Variants in TMEM63B observed in about 807,000 individuals in gnomAD.
TMEM63B encodes mechanosensitive cation channel TMEM63B.
In TMEM63B, 23 loss-of-function variants were observed where a neutral mutation model predicts 102.6. The observed-to-expected ratio is 0.22, with a 90% CI of 0.16 to 0.32. The LOEUF is 0.32. Among genes scored for constraint, TMEM63B ranks in the 10% least tolerant of loss-of-function variants. The pLI is 1.00. For synonymous variants in TMEM63B, 444 were observed against 437.0 expected (o/e 1.02, Z -0.20); for missense variants, 628 against 1,095.9 (o/e 0.57, Z 6.03).
chr6:44,146,950 G>A, intron 11 of TMEM63B, 23 bp downstream of exon 11: 4 of 1,612,822 alleles, frequency 2.5e-6, no homozygotes, highest in Non-Finnish European at 3.4e-6. Flanking sequence ...GGGCAGAGGA[G>A]GGTGACACCA....
chr6:44,154,303 TG>T, intron 22 of TMEM63B, 61 bp from the exon 23 acceptor site: 3 of 1,606,314 alleles, frequency 1.9e-6, no homozygotes, highest in Non-Finnish European at 2.6e-6. Flanking sequence ...CAAGCGGGCG[TG>T]GGGTCATGAT....
chr6:44,147,380 G>A lies in TMEM63B; in HGVS notation c.867G>A (p.Lys289=). The A allele has an allele frequency of 1.9e-6, 3 of 1,614,182 alleles. No homozygotes were observed. The highest frequency in any genetic ancestry group is 2.5e-6 in the Non-Finnish European group (3 of 1,180,028). ...ARLMFLDAER[K]KAERGKLYFT... is the part of the protein sequence containing the mutation. ...ACCAGGCATCTGGGTCCCACAGGAA[G>A]AAGGCCGAGCGGGGAAAGCTGTACT... Residue 289 remains lysine, a synonymous_variant, in exon 12 of 24, where the codon AAG becomes AAA. Coordinates refer to ENST00000323267, the MANE Select transcript of TMEM63B (RefSeq NM_018426.3).
rs997902831 is a variant in TMEM63B at position 44,155,258 on chromosome 6, T to TC, written c.*383dup. ...GGGGGGCAGGTGGATCTGGGGCTGT[T>TC]CCCCCCCCTCCGTTTTTTCCACCCC... is the stretch of plus-strand genomic sequence containing the variant. On this transcript the variant is annotated 3_prime_UTR_variant, in exon 24 of 24. Coordinates refer to ENST00000323267, the MANE Select transcript of TMEM63B (RefSeq NM_018426.3). 117 of 154,050 alleles carry TC rather than the reference T, an allele frequency of 7.6e-4. 1 individual carries two copies. Among genetic ancestry groups the TC allele is most frequent in the Non-Finnish European group, 8.1e-4 (57 of 70,222 alleles). 9.5% of individuals were successfully genotyped at this position (154,050 alleles called of 1,614,324 possible).
Position 44,148,119 on chromosome 6 carries a change from T to C in TMEM63B, c.988-133T>C. ...GCCTGGGCATCAGAGCGAGACGCTGTTTCCAAAAAAAAAAAAATGCTTAGA... is the reference window on the plus strand; with the variant it reads ...GCCTGGGCATCAGAGCGAGACGCTGCTTCCAAAAAAAAAAAAATGCTTAGA... On this transcript the variant is annotated intron_variant, in intron 12 of 23. Coordinates refer to ENST00000323267, the MANE Select transcript of TMEM63B (RefSeq NM_018426.3). This position sits in a 1 kb window ranked among gnomAD's most constrained non-coding sequence, Gnocchi z 5.1. The C allele has an allele frequency of 7.3e-7, 1 of 1,368,312 alleles. No homozygotes were observed. The highest frequency in any genetic ancestry group is 1.4e-5 in the South Asian group (1 of 70,734). 84.8% of individuals were successfully genotyped at this position (1,368,312 alleles called of 1,614,324 possible). A position where few individuals can be genotyped will look rare whatever the true frequency, so the allele number is the denominator to read the frequency against.
chr6:44,129,255 C>A (rs1777825418), intron 1 of TMEM63B, among the ~76,000 whole-genome samples: 1 of 151,602 alleles, frequency 6.6e-6, no homozygotes, highest in South Asian at 2.1e-4. Context: ...GTAATCCCAG[C>A]TACTCAGGAG....
At chr6:44,137,984 G>GCCA (rs1763340980) in intron 5 of TMEM63B, among the ~76,000 whole-genome samples, 1 of 152,176 alleles carries the variant, frequency 6.6e-6, no homozygotes, top group African/African-American at 2.4e-5. Flanking sequence ...ACAGGCGTGA[G>GCCA]CCACCGCACC....
intron 10 of TMEM63B, among the ~76,000 whole-genome samples, chr6:44,143,321 T>C (rs746761466): frequency 3.3e-5 from 5 of 152,248 alleles, no homozygotes; most frequent in Non-Finnish European, 7.3e-5. Context: ...ATACAGGCTA[T>C]AAAACAGCAG....
At position 44,155,265 on chromosome 6, in the gene TMEM63B, C is replaced by G. The variant is rs377258360; in HGVS notation, c.*382C>G. The stretch of plus-strand genomic sequence containing the variant: ...AGGTGGATCTGGGGCTGTTCCCCCC[C>G]CTCCGTTTTTTCCACCCCACAGTTC... On this transcript the variant is annotated 3_prime_UTR_variant, in exon 24 of 24. Coordinates refer to ENST00000323267, the MANE Select transcript of TMEM63B (RefSeq NM_018426.3). The G allele has an allele frequency of 5.8e-4, 90 of 156,032 alleles. No individual in the cohort carries two copies. Among genetic ancestry groups the G allele is most frequent in the Non-Finnish European group, 9.2e-4 (65 of 70,822 alleles). The allele number at this position is 156,032 out of a possible 1,614,324, so 9.7% of individuals were successfully genotyped here. A position where few individuals can be genotyped will look rare whatever the true frequency, so the allele number is the denominator to read the frequency against.
Position 44,148,870 on chromosome 6 carries a change from C to T in TMEM63B, c.1338C>T (p.Phe446=). Residue 446 remains phenylalanine, a synonymous_variant, in exon 15 of 24, where the codon TTC becomes TTT. Coordinates refer to ENST00000323267, the MANE Select transcript of TMEM63B (RefSeq NM_018426.3). The surrounding 1 kb of genome is among the most constrained non-coding windows in gnomAD (Gnocchi z 5.1). ...VINVVLFILL[F]FLTTPAIIIT... ...ATGTCGTCCTCTTCATCCTCCTCTT[C>T]TTCCTCACCACTCCAGCCATCATCA... The T allele has an allele frequency of 6.2e-7, 1 of 1,614,150 alleles. No homozygotes were observed. The highest frequency in any genetic ancestry group is 2.2e-5 in the East Asian group (1 of 44,882).
At chr6:44,142,649 G>A (rs1355481086) in intron 10 of TMEM63B, among the ~76,000 whole-genome samples, 1 of 152,186 alleles carries the variant, frequency 6.6e-6, no homozygotes, top group Non-Finnish European at 1.5e-5. Context: ...AGAATCAGGA[G>A]CTGGCCAGTG....
rs961656029 is a variant in TMEM63B at position 44,152,094 on chromosome 6, G to A, written c.1836+86G>A. On this transcript the variant is annotated intron_variant, in intron 19 of 23. Transcript: ENST00000323267. This position sits in a 1 kb window ranked among gnomAD's most constrained non-coding sequence, Gnocchi z 6.4. ...AGCAGCCATCGCGCTAGGGTTGAGG[G>A]GCACAGGAGGGCTGAGACTTGGGGA... 2.4e-5 allele frequency: 35 copies of A among 1,447,678 alleles called. No homozygotes were observed. Among genetic ancestry groups the A allele is most frequent in the Non-Finnish European group, 3.2e-5 (35 of 1,091,184 alleles). 89.7% of individuals were successfully genotyped at this position (1,447,678 alleles called of 1,614,324 possible). A position where few individuals can be genotyped will look rare whatever the true frequency, so the allele number is the denominator to read the frequency against.
chr6:44,138,519 T>C lies in TMEM63B; in HGVS notation c.407+2T>C. 1 of 1,613,940 alleles carries C rather than the reference T, an allele frequency of 6.2e-7. No individual in the cohort carries two copies. Among genetic ancestry groups the C allele is most frequent in the Non-Finnish European group, 8.5e-7 (1 of 1,179,978 alleles). ...GCTGACAGCCATCTTCAGGATAAAGTAAGTGGACCATCTTCAAGCTCTAAA... is the reference window on the plus strand; with the variant it reads ...GCTGACAGCCATCTTCAGGATAAAGCAAGTGGACCATCTTCAAGCTCTAAA... On this transcript the variant is annotated splice_donor_variant, in intron 6 of 23. Transcript: ENST00000323267. LOFTEE classifies it high-confidence loss of function.
rs1767584646 is a variant in TMEM63B at position 44,154,463 on chromosome 6, T to C, written c.2307+18T>C. 1 of 1,613,430 alleles carries C rather than the reference T, an allele frequency of 6.2e-7. No individual in the cohort carries two copies. Among genetic ancestry groups the C allele is most frequent in the African/African-American group, 1.3e-5 (1 of 74,836 alleles). On this transcript the variant is annotated intron_variant, in intron 23 of 23. Coordinates refer to ENST00000323267, the MANE Select transcript of TMEM63B (RefSeq NM_018426.3). ...AATCTGCGGTGAGTGCCCTCAAGGGTTGGGAGGGGCCTCTGACAGACTCAG... is the reference window on the plus strand; with the variant it reads ...AATCTGCGGTGAGTGCCCTCAAGGGCTGGGAGGGGCCTCTGACAGACTCAG...
At chr6:44,140,990 C>G (rs1378435235) in intron 9 of TMEM63B, 38 bp from the exon 10 acceptor site, 1 of 1,603,528 alleles carries the variant, frequency 6.2e-7, no homozygotes, top group Non-Finnish European at 8.5e-7. Context: ...CCACTGGGGT[C>G]AAGCCTCAGA....
chr6:44,154,905 G>T lies in TMEM63B; in HGVS notation c.*22G>T. ...GTAAGGGGAGGGAGGGGCCCTGGAG[G>T]CCACATCCTGCCCCACCCCACCCCC... On this transcript the variant is annotated 3_prime_UTR_variant, in exon 24 of 24. Coordinates refer to ENST00000323267, the MANE Select transcript of TMEM63B (RefSeq NM_018426.3). The T allele has an allele frequency of 6.7e-7, 1 of 1,494,798 alleles. No homozygotes were observed. Among genetic ancestry groups the T allele is most frequent in the Non-Finnish European group, 8.9e-7 (1 of 1,123,058 alleles). The allele number at this position is 1,494,798 out of a possible 1,614,324, so 92.6% of individuals were successfully genotyped here.
intron 10 of TMEM63B, among the ~76,000 whole-genome samples, chr6:44,146,495 G>T (rs1000549829): frequency 7.2e-6 from 1 of 139,664 alleles, no homozygotes; most frequent in Non-Finnish European, 1.6e-5. Flanking sequence ...CTGTCGCCCA[G>T]TCTGGAGTGC....
At position 44,152,518 on chromosome 6, in the gene TMEM63B, C is replaced by A; in HGVS notation, c.1837-75C>A. Reference sequence around the variant, plus strand: ...CGGCCCCAGAGGTCCTGGCTCCCTTCCCCCTCCCTCCTTCCCTGCCCCTCT... The same window carrying A: ...CGGCCCCAGAGGTCCTGGCTCCCTTACCCCTCCCTCCTTCCCTGCCCCTCT... On this transcript the variant is annotated intron_variant, in intron 19 of 23. Transcript: ENST00000323267. The surrounding 1 kb of genome is among the most constrained non-coding windows in gnomAD (Gnocchi z 6.4). 2 of 914,000 alleles carry A rather than the reference C, an allele frequency of 2.2e-6. No homozygotes were observed. The highest frequency in any genetic ancestry group is 1.8e-6 in the Non-Finnish European group (1 of 565,420). The allele number at this position is 914,000 out of a possible 1,614,324, so 56.6% of individuals were successfully genotyped here. A position where few individuals can be genotyped will look rare whatever the true frequency, so the allele number is the denominator to read the frequency against.
At chr6:44,140,788 C>T (rs956036528) in intron 9 of TMEM63B, among the ~76,000 whole-genome samples, 11 of 152,156 alleles carry the variant, frequency 7.2e-5, no homozygotes, top group South Asian at 2.1e-4. Flanking sequence ...GAGCATGGGA[C>T]GGCGTGGCTC....
rs556628509 is a variant in TMEM63B at position 44,149,298 on chromosome 6, C to A, written c.1413+353C>A. ...TGGACTTGGATTCTGATCTCTTTAT[C>A]GGTGTGAAACCCAGTGTGGAAAAGC... On this transcript the variant is annotated intron_variant, in intron 15 of 23. Coordinates refer to ENST00000323267, the MANE Select transcript of TMEM63B (RefSeq NM_018426.3). The A allele has an allele frequency of 2.1e-5, 8 of 379,124 alleles. No homozygotes were observed. The East Asian group carries it at 4.9e-4, about 23-fold the overall frequency. The allele number at this position is 379,124 out of a possible 1,614,324, so 23.5% of individuals were successfully genotyped here.
Sources: allele counts gnomAD v4.1 joint callset (sites outside exome capture counted in the v4.1 genomes callset), GRCh38; gene constraint gnomAD v4.1.1; non-coding constraint Gnocchi (gnomAD v3.1); transcripts MANE v1.5; gene names NCBI Gene and HGNC (gene_info 2026-07-23, HGNC 2026-07-21).